COL21A1: variants seen among roughly 807,000 people sequenced by gnomAD.
COL21A1 encodes collagen alpha-1(XXI) chain.
A neutral mutation model predicts 137.9 loss-of-function variants in COL21A1; 149 were observed. The ratio of observed to expected loss-of-function variants is 1.08; its 90% CI spans 0.95 to 1.24. COL21A1 has a LOEUF of 1.24. COL21A1 is among the 50% of genes most tolerant of loss of function. COL21A1 has a pLI of 0.00. For missense variants in COL21A1, 1,167 were observed against 1,158.4 expected (o/e 1.01, Z -0.11); for synonymous variants, 456 against 391.5 (o/e 1.16, Z -1.95).
chr6:56,222,273 C>CA (rs993691128), intron 1 of COL21A1, among the ~76,000 whole-genome samples: 30 of 144,300 alleles, frequency 2.1e-4, no homozygotes, highest in East Asian at 6.0e-4. Context: ...AATTCCGTCT[C>CA]AAAAAAAAAA....
chr6:56,228,032 T>C (rs1444401503), intron 1 of COL21A1, among the ~76,000 whole-genome samples: 4 of 151,894 alleles, frequency 2.6e-5, no homozygotes, highest in African/African-American at 9.7e-5. Context: ...AAAAGGTATT[T>C]ATGAAGTGAA....
intron 1 of COL21A1, among the ~76,000 whole-genome samples, chr6:56,344,183 T>C (rs549080988): frequency 3.3e-5 from 5 of 152,326 alleles, no homozygotes; most frequent in Admixed American, 2.0e-4. Context: ...ATAAAGCAAC[T>C]GAATTTTTGT....
intron 1 of COL21A1, 83 bp from the exon 2 acceptor site, chr6:56,182,739 C>G: frequency 1.6e-6 from 1 of 636,900 alleles, no homozygotes; most frequent in Non-Finnish European, 2.7e-6. Flanking sequence ...GAAACAAGAG[C>G]CAATTGAAGT....
intron 1 of COL21A1, among the ~76,000 whole-genome samples, chr6:56,329,757 A>T (rs1032290705): frequency 6.6e-6 from 1 of 152,108 alleles, no homozygotes; most frequent in African/African-American, 2.4e-5. Context: ...TAGGTGTAGC[A>T]TGTAGTCTCC....
In COL21A1 at chr6:56,165,702, A is replaced by C. The variant is rs191059704; in HGVS notation, c.1279-880T>G. On this transcript the variant is annotated intron_variant, in intron 7 of 29. Transcript: ENST00000244728. ...TTTAAATGTGCTGTTCTGTGTCTTC[A>C]AGGTTTTAGAACATGTGGATCCATA... Among the ~76,000 whole-genome samples, 42 of 152,304 alleles carry C rather than the reference A, an allele frequency of 2.8e-4. No homozygotes were observed. In the East Asian group the frequency reaches 8.1e-3, roughly 29 times the overall value.
intron 1 of COL21A1, among the ~76,000 whole-genome samples, chr6:56,378,404 T>G (rs961455927): frequency 2.0e-5 from 3 of 152,154 alleles, no homozygotes; most frequent in African/African-American, 7.2e-5. Flanking sequence ...GAGGAGCCCT[T>G]GCTTGGACTT....
chr6:56,057,818 T>C lies in COL21A1; in HGVS notation c.2713A>G (p.Lys905Glu), dbSNP rs1428828177. Residue 905 changes from lysine (K) to glutamate (E), a missense_variant, in exon 30 of 30, where the codon AAA (lysine) becomes GAA (glutamate). Transcript: ENST00000244728. ...PGPEGPPGIS[K>E]EGPPGDPGLP... ...CCTGGGTCTCCTGGAGGACCTTCTTTGCTTATTCCAGGAGGGCCCTCTGGA... is the reference window on the plus strand; with the variant it reads ...CCTGGGTCTCCTGGAGGACCTTCTTCGCTTATTCCAGGAGGGCCCTCTGGA... The C allele has an allele frequency of 1.3e-6, 2 of 1,582,998 alleles. No individual in the cohort carries two copies. The highest frequency in any genetic ancestry group is 3.7e-5 in the Admixed American group (2 of 53,350).
At chr6:56,283,843 G>T (rs866023781) in intron 1 of COL21A1, among the ~76,000 whole-genome samples, 2 of 149,498 alleles carry the variant, frequency 1.3e-5, no homozygotes, top group Admixed American at 6.8e-5. Flanking sequence ...ATGAGGGGTA[G>T]CATTTTATCT....
intron 1 of COL21A1, among the ~76,000 whole-genome samples, chr6:56,295,745 C>A (rs1442556329): frequency 1.6e-4 from 23 of 147,712 alleles, no homozygotes; most frequent in Admixed American, 2.7e-4. Context: ...TTATTCATTC[C>A]TGGTATATAG....
intron 24 of COL21A1, among the ~76,000 whole-genome samples, chr6:56,063,552 A>G (rs1438545136): frequency 6.6e-6 from 1 of 152,120 alleles, no homozygotes; most frequent in East Asian, 1.9e-4. Context: ...AATTGTACTC[A>G]GGCAATTCCA....
intron 7 of COL21A1, among the ~76,000 whole-genome samples, chr6:56,166,111 T>C (rs2152269017): frequency 6.6e-6 from 1 of 152,150 alleles, no homozygotes; most frequent in African/African-American, 2.4e-5. Flanking sequence ...TCACTGACAC[T>C]TTGAGAAAAA....
At chr6:56,308,561 C>T (rs2152339036) in intron 1 of COL21A1, among the ~76,000 whole-genome samples, 1 of 152,196 alleles carries the variant, frequency 6.6e-6, no homozygotes, top group Non-Finnish European at 1.5e-5. Context: ...ATAGTGGTTT[C>T]CAGGAACTGG....
At chr6:56,247,984 G>T (rs1387833326), upstream of COL21A1, among the ~76,000 whole-genome samples, 1 of 152,212 alleles carries the variant, frequency 6.6e-6, no homozygotes, top group Non-Finnish European at 1.5e-5. Context: ...GCGGACTGAT[G>T]TTCCTTGCTT....
intron 16 of COL21A1, among the ~76,000 whole-genome samples, chr6:56,115,017 T>C (rs994473768): frequency 2.0e-5 from 3 of 151,544 alleles, no homozygotes; most frequent in African/African-American, 7.3e-5. Flanking sequence ...GTTCATGTCA[T>C]GGAAATCATC....
rs373766660 is a variant in COL21A1, at chr6:56,114,464, A to T, written c.1758+9598T>A. Among the ~76,000 whole-genome samples the T allele has an allele frequency of 1.2e-3, 186 of 152,348 alleles. 4 individuals are homozygous for T. Among genetic ancestry groups the T allele is most frequent in the African/African-American group, 4.2e-3 (174 of 41,580 alleles). ...TCTCTTGTGGGCATTTAGAACTCAA[A>T]CAAATTTACAAGATAAAAACAAACA... is the stretch of plus-strand genomic sequence containing the variant. On this transcript the variant is annotated intron_variant, in intron 16 of 29. Coordinates refer to ENST00000244728, the MANE Select transcript of COL21A1 (RefSeq NM_030820.4).
intron 1 of COL21A1, among the ~76,000 whole-genome samples, chr6:56,283,572 A>C (rs1278007971): frequency 3.3e-5 from 5 of 152,142 alleles, no homozygotes; most frequent in Admixed American, 2.0e-4. Flanking sequence ...ACTGTTTTTT[A>C]AAGGAAGACA....
chr6:56,237,829 A>G (rs1414944022), intron 1 of COL21A1, among the ~76,000 whole-genome samples: 2 of 152,180 alleles, frequency 1.3e-5, no homozygotes, highest in Non-Finnish European at 2.9e-5. Flanking sequence ...TCAGAGGTCA[A>G]AAATATTCAC....
chr6:56,083,759 G>C (rs187756684), intron 17 of COL21A1, among the ~76,000 whole-genome samples: 3 of 151,990 alleles, frequency 2.0e-5, no homozygotes, highest in Non-Finnish European at 2.9e-5. Context: ...TCTACAAGCT[G>C]ATGTAATTTG....
intron 1 of COL21A1, among the ~76,000 whole-genome samples, chr6:56,344,257 A>T (rs1343419850): frequency 1.3e-5 from 2 of 152,212 alleles, no homozygotes; most frequent in African/African-American, 4.8e-5. Flanking sequence ...ACAATCTCTT[A>T]AAACTTACTC....
Sources: allele counts gnomAD v4.1 joint callset (sites outside exome capture counted in the v4.1 genomes callset), GRCh38; gene constraint gnomAD v4.1.1; transcripts MANE v1.5; gene names NCBI Gene and HGNC (gene_info 2026-07-23, HGNC 2026-07-21).